The following HS3ST4 variants were observed in gnomAD, a reference collection of about 807,000 sequenced individuals.
HS3ST4 encodes heparan sulfate glucosamine 3-O-sulfotransferase 4.
In HS3ST4, 17 loss-of-function variants were observed where a neutral mutation model predicts 29.2. The ratio of observed to expected loss-of-function variants is 0.58; its 90% CI spans 0.40 to 0.87. HS3ST4 has a LOEUF of 0.87. Ranked by LOEUF, HS3ST4 falls within the 40% of genes least tolerant of loss-of-function variation. The pLI, the probability that HS3ST4 is intolerant of heterozygous loss-of-function variation, is 0.00. For missense variants in HS3ST4, 627 were observed against 634.5 expected (o/e 0.99, Z 0.13); for synonymous variants, 314 against 285.7 (o/e 1.10, Z -1.00).
intron 1 of HS3ST4, among the ~76,000 whole-genome samples, chr16:25,885,210 C>T (rs1967937369): frequency 6.6e-6 from 1 of 152,116 alleles, no homozygotes; most frequent in African/African-American, 2.4e-5. Flanking sequence ...TTATCAAAGG[C>T]AGAAAAGCCT....
At chr16:26,029,375 T>G (rs183283876) in intron 1 of HS3ST4, among the ~76,000 whole-genome samples, 5 of 152,224 alleles carry the variant, frequency 3.3e-5, no homozygotes, top group Non-Finnish European at 7.4e-5. Context: ...CTTAATAATT[T>G]TTGAACAAGG....
intron 1 of HS3ST4, among the ~76,000 whole-genome samples, chr16:25,732,823 C>T (rs142080671): frequency 2.2e-3 from 333 of 152,328 alleles, no homozygotes; most frequent in Non-Finnish European, 4.1e-3. Context: ...TGTGGGACTT[C>T]GGACATGTCG....
At chr16:25,873,287 C>T (rs1426695727) in intron 1 of HS3ST4, among the ~76,000 whole-genome samples, 1 of 90,792 alleles carries the variant, frequency 1.1e-5, no homozygotes, top group African/African-American at 4.3e-5. Context: ...TTCATCCATC[C>T]ATCCATCCAT....
At chr16:25,817,445 A>C (rs1271120728) in intron 1 of HS3ST4, among the ~76,000 whole-genome samples, 1 of 152,230 alleles carries the variant, frequency 6.6e-6, no homozygotes, top group Admixed American at 6.5e-5. Context: ...GTGTAAAATC[A>C]GCCATAGATA....
intron 1 of HS3ST4, among the ~76,000 whole-genome samples, chr16:25,887,247 A>G (rs545489379): frequency 6.6e-6 from 1 of 152,150 alleles, no homozygotes; most frequent in Non-Finnish European, 1.5e-5. Flanking sequence ...AGGCAAGGCT[A>G]TATCATTTAT....
At chr16:25,981,986 G>T (rs1337831389) in intron 1 of HS3ST4, among the ~76,000 whole-genome samples, 1 of 152,172 alleles carries the variant, frequency 6.6e-6, no homozygotes, top group Non-Finnish European at 1.5e-5. Context: ...CTAGGAGATT[G>T]TGCATGCGTG....
chr16:26,086,294 G>C (rs11641199), intron 1 of HS3ST4, among the ~76,000 whole-genome samples: 74,017 of 151,686 alleles, frequency 0.49, 18,259 homozygotes, highest in Middle Eastern at 0.56. Flanking sequence ...GACTCGCTCA[G>C]TAGAGTGTCA....
chr16:25,752,232 T>C (rs1381859754), intron 1 of HS3ST4, among the ~76,000 whole-genome samples: 1 of 152,166 alleles, frequency 6.6e-6, no homozygotes, highest in Non-Finnish European at 1.5e-5. Flanking sequence ...GCTCTTTAGC[T>C]TTAGATAAGT....
At position 25,855,706 on chromosome 16, in the gene HS3ST4, T is replaced by C. The variant is rs150665582; in HGVS notation, c.734+162555T>C. Among the ~76,000 whole-genome samples, 1,375 of 152,260 alleles carry C rather than the reference T, an allele frequency of 9.0e-3. 69 individuals carry two copies. Among genetic ancestry groups the C allele is most frequent in the Admixed American group, 0.081 (1,234 of 15,280 alleles). On this transcript the variant is annotated intron_variant, in intron 1 of 1. Transcript: ENST00000331351. ...TGTCTTGGAATTTAGTTTTTCAGGT[T>C]ACTCTGGGCTGCTCTTCACCAAGGG...
intron 1 of HS3ST4, among the ~76,000 whole-genome samples, chr16:25,942,044 T>G (rs951656204): frequency 6.6e-6 from 1 of 152,166 alleles, no homozygotes; most frequent in Non-Finnish European, 1.5e-5. Flanking sequence ...AGGATAGAAT[T>G]AGCTCATTTA....
At chr16:25,984,701 G>A (rs1969044386) in intron 1 of HS3ST4, among the ~76,000 whole-genome samples, 2 of 152,300 alleles carry the variant, frequency 1.3e-5, no homozygotes, top group East Asian at 1.9e-4. Flanking sequence ...TAAACATAAT[G>A]CCCTCCAGTT....
intron 1 of HS3ST4, among the ~76,000 whole-genome samples, chr16:25,851,801 A>G (rs1432605695): frequency 6.6e-6 from 1 of 152,152 alleles, no homozygotes; most frequent in Admixed American, 6.5e-5. Flanking sequence ...CACTACTTCC[A>G]AAAGGCATCA....
At chr16:25,830,719 C>T (rs1233264958) in intron 1 of HS3ST4, among the ~76,000 whole-genome samples, 3 of 145,474 alleles carry the variant, frequency 2.1e-5, no homozygotes, top group African/African-American at 5.0e-5. Context: ...CAATCCATGT[C>T]TTTTTTTTTT....
chr16:25,987,953 T>C (rs1333500196), intron 1 of HS3ST4, among the ~76,000 whole-genome samples: 1 of 152,108 alleles, frequency 6.6e-6, no homozygotes, highest in Non-Finnish European at 1.5e-5. Flanking sequence ...GCACTTTTAA[T>C]AGAGACGGGG....
At chr16:25,786,253 A>G (rs1015708223) in intron 1 of HS3ST4, among the ~76,000 whole-genome samples, 3 of 152,084 alleles carry the variant, frequency 2.0e-5, no homozygotes, top group Admixed American at 6.6e-5. Flanking sequence ...TAGGCAGTGA[A>G]TGGTTGGGTG....
At chr16:26,087,244 C>T (rs528157398) in intron 1 of HS3ST4, among the ~76,000 whole-genome samples, 2 of 152,322 alleles carry the variant, frequency 1.3e-5, no homozygotes, top group South Asian at 2.1e-4. Context: ...AGAGTGGACA[C>T]TTCCAAGGGG....
At chr16:25,859,017 G>C (rs1967611162) in intron 1 of HS3ST4, among the ~76,000 whole-genome samples, 1 of 151,884 alleles carries the variant, frequency 6.6e-6, no homozygotes. Context: ...TAATGTGGGG[G>C]TTACTCCAAC....
intron 1 of HS3ST4, among the ~76,000 whole-genome samples, chr16:25,857,924 CTTTCTTT>C (rs1567257101): frequency 3.8e-4 from 16 of 42,168 alleles, no homozygotes; most frequent in East Asian, 1.4e-3. Flanking sequence ...TCCTTCCTTT[CTTTCTTT>C]CTTTCTTTCT....
At chr16:25,729,021 T>G (rs1966554581) in intron 1 of HS3ST4, among the ~76,000 whole-genome samples, 1 of 151,952 alleles carries the variant, frequency 6.6e-6, no homozygotes. Flanking sequence ...AGTTTGAGAC[T>G]GCAGTGAGCT....
Sources: gnomAD v4.1 joint callset for allele counts (sites outside exome capture counted in the v4.1 genomes callset) on GRCh38, gnomAD v4.1.1 for gene constraint, MANE v1.5 for transcripts, NCBI Gene and HGNC (gene_info 2026-07-23, HGNC 2026-07-21) for gene names.